The following RERE variants were observed in gnomAD, a reference collection of about 807,000 sequenced individuals.
The protein encoded by RERE is arginine-glutamic acid dipeptide repeats protein.
A neutral mutation model predicts 146.1 loss-of-function variants in RERE; 40 were observed. The observed-to-expected ratio is 0.27, with a 90% CI of 0.21 to 0.36. RERE has a LOEUF of 0.36. RERE is among the 10% of genes least tolerant of loss of function. The pLI is 1.00. For synonymous variants in RERE, 1,003 were observed against 866.0 expected (o/e 1.16, Z -2.78); for missense variants, 1,933 against 2,138.7 (o/e 0.90, Z 1.90).
intron 12 of RERE, among the ~76,000 whole-genome samples, chr1:8,379,129 C>T (rs1405285110): frequency 1.3e-5 from 2 of 152,082 alleles, no homozygotes; most frequent in African/African-American, 2.4e-5. Context: ...ACAGCTGGCT[C>T]GCGTGAAGGG....
chr1:8,774,478 C>T (rs1285355140), intron 1 of RERE, among the ~76,000 whole-genome samples: 7 of 151,528 alleles, frequency 4.6e-5, no homozygotes, highest in African/African-American at 1.5e-4. Context: ...CTCAGCCTCC[C>T]TAGTAGCTGG....
At position 8,402,111 on chromosome 1, in the gene RERE, C is replaced by T. The variant is rs1383424757; in HGVS notation, c.1284+20616G>A. 2.6e-5 allele frequency among the ~76,000 whole-genome samples: 4 copies of T among 152,174 alleles called. No individual in the cohort carries two copies. The East Asian group carries it at 7.7e-4, about 29-fold the overall frequency. On this transcript the variant is annotated intron_variant, in intron 12 of 22. Coordinates refer to ENST00000400908, the MANE Select transcript of RERE (RefSeq NM_001042681.2). Reference sequence around the variant, plus strand: ...CTCAATCTCTTGACCTCGTGATCCACCTGCCTCGACCTCCCAAAGTGCTGG... The same window carrying T: ...CTCAATCTCTTGACCTCGTGATCCATCTGCCTCGACCTCCCAAAGTGCTGG...
At chr1:8,501,510 G>C (rs1401021591) in intron 8 of RERE, among the ~76,000 whole-genome samples, 1 of 111,420 alleles carries the variant, frequency 9.0e-6, no homozygotes, top group African/African-American at 4.0e-5. Context: ...GGGAGGTGGG[G>C]GGATCAGCCC....
rs1266096644 is a variant in RERE at position 8,465,865 on chromosome 1, C to T, written c.1203+60G>A. ...TTCCCTGAGCAGCAGGGAGGTCACACACTGAGACGCCGGTGGCCCGATGCC... is the reference window on the plus strand; with the variant it reads ...TTCCCTGAGCAGCAGGGAGGTCACATACTGAGACGCCGGTGGCCCGATGCC... On this transcript the variant is annotated intron_variant, in intron 11 of 22. Coordinates refer to ENST00000400908, the MANE Select transcript of RERE (RefSeq NM_001042681.2). 7 of 1,424,874 alleles carry T rather than the reference C, an allele frequency of 4.9e-6. No individual in the cohort carries two copies. In the South Asian group the frequency reaches 5.8e-5, roughly 12 times the overall value. The allele number at this position is 1,424,874 out of a possible 1,614,324, so 88.3% of individuals were successfully genotyped here.
At chr1:8,730,606 G>A (rs1453923148) in intron 1 of RERE, among the ~76,000 whole-genome samples, 2 of 152,126 alleles carry the variant, frequency 1.3e-5, no homozygotes, top group Non-Finnish European at 2.9e-5. Flanking sequence ...GCCTCCCAAA[G>A]TGTTGGGATT....
intron 1 of RERE, among the ~76,000 whole-genome samples, chr1:8,707,657 C>T (rs1639583854): frequency 6.6e-6 from 1 of 152,184 alleles, no homozygotes; most frequent in African/African-American, 2.4e-5. Flanking sequence ...TCCAGTACAA[C>T]CATTCAGACC....
chr1:8,733,190 A>T (rs1409547047), intron 1 of RERE, among the ~76,000 whole-genome samples: 1 of 150,706 alleles, frequency 6.6e-6, no homozygotes, highest in Non-Finnish European at 1.5e-5. Flanking sequence ...AGAGAGAGAG[A>T]GTGAGTGTTG....
chr1:8,544,881 C>T (rs778295610), intron 6 of RERE, among the ~76,000 whole-genome samples: 5 of 152,132 alleles, frequency 3.3e-5, no homozygotes, highest in Non-Finnish European at 7.3e-5. Flanking sequence ...AAAGGGTTTC[C>T]ATAACCAGGT....
intron 1 of RERE, among the ~76,000 whole-genome samples, chr1:8,723,334 T>C (rs1355830219): frequency 6.6e-6 from 1 of 152,174 alleles, no homozygotes; most frequent in Non-Finnish European, 1.5e-5. Flanking sequence ...TGGTTCAATA[T>C]AAAGTATAGA....
intron 4 of RERE, among the ~76,000 whole-genome samples, chr1:8,606,857 G>A (rs1375170541): frequency 1.3e-5 from 2 of 152,162 alleles, no homozygotes; most frequent in Admixed American, 6.5e-5. Flanking sequence ...GATAGGAAAA[G>A]TACCTGATAC....
chr1:8,677,464 A>AG (rs1160763958), intron 1 of RERE, among the ~76,000 whole-genome samples: 15 of 151,922 alleles, frequency 9.9e-5, no homozygotes, highest in Non-Finnish European at 1.0e-4. Flanking sequence ...GAAAAAAAAA[A>AG]AAAAAGAAAT....
chr1:8,420,447 A>G (rs1643893573), intron 12 of RERE, among the ~76,000 whole-genome samples: 2 of 152,222 alleles, frequency 1.3e-5, no homozygotes, highest in Non-Finnish European at 2.9e-5. Flanking sequence ...AGCAAAAAGT[A>G]AAAAATGACC....
intron 19 of RERE, 133 bp from the exon 20 acceptor site, chr1:8,359,049 C>T (rs1009252234): frequency 3.5e-5 from 41 of 1,182,068 alleles, no homozygotes; most frequent in African/African-American, 6.2e-5. Context: ...CACGGAGACC[C>T]GGCCCTGCCT....
intron 11 of RERE, chr1:8,424,182 CG>C (rs1379308450): frequency 6.6e-6 from 1 of 152,180 alleles, no homozygotes; most frequent in Non-Finnish European, 1.5e-5. Flanking sequence ...ACGCCCCCCG[CG>C]GTCCCTTCCG....
intron 1 of RERE, among the ~76,000 whole-genome samples, chr1:8,802,138 G>C (rs539008766): frequency 8.5e-5 from 13 of 152,194 alleles, no homozygotes; most frequent in African/African-American, 2.4e-4. Context: ...ATCAAATAAA[G>C]TCATTTAACC....
intron 11 of RERE, among the ~76,000 whole-genome samples, chr1:8,429,413 T>C (rs1644062906): frequency 3.9e-5 from 6 of 152,184 alleles, no homozygotes; most frequent in Admixed American, 3.3e-4. Flanking sequence ...GGATAGAGAA[T>C]ACTGGGCTGA....
At chr1:8,799,674 G>A (rs780249001) in intron 1 of RERE, among the ~76,000 whole-genome samples, 5 of 152,016 alleles carry the variant, frequency 3.3e-5, no homozygotes, top group African/African-American at 4.8e-5. Flanking sequence ...TGTCCAATCC[G>A]CAGCCCAGGA....
At chr1:8,379,327 G>A (rs1415662487) in intron 12 of RERE, among the ~76,000 whole-genome samples, 1 of 152,116 alleles carries the variant, frequency 6.6e-6, no homozygotes, top group African/African-American at 2.4e-5. Context: ...AGCTGCGACC[G>A]GGGAAAGGAG....
intron 4 of RERE, among the ~76,000 whole-genome samples, chr1:8,560,304 G>A (rs768499484): frequency 9.2e-5 from 14 of 152,174 alleles, no homozygotes; most frequent in Non-Finnish European, 1.5e-4. Flanking sequence ...AGCACCCATC[G>A]TCCAGTTCTG....
Sources: gnomAD v4.1 joint callset for allele counts (sites outside exome capture counted in the v4.1 genomes callset) on GRCh38, gnomAD v4.1.1 for gene constraint, MANE v1.5 for transcripts, NCBI Gene and HGNC (gene_info 2026-07-23, HGNC 2026-07-21) for gene names.